The following GPHN variants were observed in gnomAD, a reference collection of about 807,000 sequenced individuals.
GPHN encodes the protein gephyrin.
A neutral mutation model predicts 95.5 loss-of-function variants in GPHN; 17 were observed. That is an observed-to-expected ratio of 0.18 (90% CI 0.12 to 0.27). The LOEUF is 0.27. GPHN is among the 10% of genes least tolerant of loss of function. GPHN has a pLI of 1.00. For missense variants in GPHN, 660 were observed against 978.1 expected (o/e 0.67, Z 4.34); for synonymous variants, 320 against 322.5 (o/e 0.99, Z 0.08).
chr14:66,673,672 T>C (rs2066425789), intron 1 of GPHN, among the ~76,000 whole-genome samples: 1 of 152,252 alleles, frequency 6.6e-6, no homozygotes, highest in African/African-American at 2.4e-5. Flanking sequence ...TTTACCTTCA[T>C]TTATTTCTTC....
At chr14:67,507,533 CG>C in the GPHN span, among the ~76,000 whole-genome samples, 3 of 151,916 alleles carry the variant, frequency 2.0e-5, no homozygotes, top group Non-Finnish European at 4.4e-5. Flanking sequence ...ATTGCAGCCT[CG>C]ACCTCCCAGG....
chr14:67,292,500 T>A, the GPHN span: 5 of 1,571,732 alleles, frequency 3.2e-6, no homozygotes, highest in Non-Finnish European at 3.5e-6. Context: ...TACCTTTTCT[T>A]CTTCTACTAG....
At chr14:67,656,435 A>C in the GPHN span, 1 of 1,612,862 alleles carries the variant, frequency 6.2e-7, no homozygotes, top group Non-Finnish European at 8.5e-7. Context: ...GGTACGTTCT[A>C]ACTGGTCTCG....
chr14:66,606,229 C>T (rs1490086776), intron 1 of GPHN, among the ~76,000 whole-genome samples: 2 of 152,170 alleles, frequency 1.3e-5, no homozygotes, highest in African/African-American at 4.8e-5. Context: ...GTTATCCCAG[C>T]ACCATTTATT....
intron 5 of GPHN, among the ~76,000 whole-genome samples, chr14:66,888,052 C>G (rs746135053): frequency 6.6e-6 from 1 of 152,046 alleles, no homozygotes. Context: ...ACCTCCAAAA[C>G]TGAAAAGCAA....
At position 67,122,276 on chromosome 14, in the gene GPHN, C is replaced by A; in HGVS notation, c.1647C>A (p.Asp549Glu). Residue 549 changes from aspartate to glutamate, a missense_variant, in exon 17 of 23, where the codon GAC becomes GAA. By Grantham distance (45) the Asp-to-Glu change is conservative (BLOSUM62 2). Around this residue, in one of 6 missense-constraint regions of GPHN, gnomAD observed 257 missense variants for 376.2 expected, o/e 0.68. Transcript: ENST00000478722. ...TGTAGCTGCTAAATCCTGAAGATGACCTCTTACCAGGGAAGATTCGAGACA... is the reference window on the plus strand; with the variant it reads ...TGTAGCTGCTAAATCCTGAAGATGAACTCTTACCAGGGAAGATTCGAGACA... ...TGNELLNPEDDLLPGKIRDSN... is the reference protein window; with the variant it reads ...TGNELLNPEDELLPGKIRDSN... 1 of 1,613,310 alleles carries A rather than the reference C, an allele frequency of 6.2e-7. No individual in the cohort carries two copies. Among genetic ancestry groups the A allele is most frequent in the Non-Finnish European group, 8.5e-7 (1 of 1,179,398 alleles).
At chr14:67,442,552 C>T in the GPHN span, among the ~76,000 whole-genome samples, 1 of 152,194 alleles carries the variant, frequency 6.6e-6, no homozygotes, top group African/African-American at 2.4e-5. Flanking sequence ...TCCCTGCCTC[C>T]ACAACCAGTT....
chr14:66,873,377 C>T (rs1258222558), intron 4 of GPHN, among the ~76,000 whole-genome samples: 2 of 152,122 alleles, frequency 1.3e-5, no homozygotes, highest in African/African-American at 4.8e-5. Flanking sequence ...AGTTTTTTTT[C>T]ATAACCCAGT....
At chr14:67,673,329 G>C in the GPHN span, among the ~76,000 whole-genome samples, 4 of 151,962 alleles carry the variant, frequency 2.6e-5, no homozygotes, top group African/African-American at 9.7e-5. Flanking sequence ...GGGTGACAGA[G>C]TGAGACCCTG....
intron 1 of GPHN, among the ~76,000 whole-genome samples, chr14:66,565,468 T>C (rs1566614216): frequency 6.6e-6 from 1 of 152,080 alleles, no homozygotes; most frequent in Non-Finnish European, 1.5e-5. Context: ...CCAGCTAATT[T>C]TATAATTTTT....
chr14:67,120,180 T>C (rs569585363), intron 16 of GPHN, among the ~76,000 whole-genome samples: 2 of 150,570 alleles, frequency 1.3e-5, no homozygotes, highest in Non-Finnish European at 3.0e-5. Context: ...ATACCAAAAA[T>C]GGGAAATTGA....
At chr14:67,489,245 C>A in the GPHN span, among the ~76,000 whole-genome samples, 1 of 152,136 alleles carries the variant, frequency 6.6e-6, no homozygotes, top group Admixed American at 6.5e-5. Flanking sequence ...AGAGATTTGG[C>A]CAAATCCAAA....
the GPHN span, among the ~76,000 whole-genome samples, chr14:67,620,502 T>C: frequency 6.6e-6 from 1 of 152,192 alleles, no homozygotes; most frequent in East Asian, 1.9e-4. Context: ...TTAAGTCTTC[T>C]GGATCCATTC....
At chr14:67,685,252 C>T in the GPHN span, 65 of 1,493,226 alleles carry the variant, frequency 4.4e-5, no homozygotes, top group Non-Finnish European at 5.7e-5. Context: ...CTTGATTTTG[C>T]AGAATAGCCC....
At chr14:66,779,457 A>G (rs2059525628) in intron 3 of GPHN, among the ~76,000 whole-genome samples, 1 of 152,180 alleles carries the variant, frequency 6.6e-6, no homozygotes, top group Admixed American at 6.5e-5. Flanking sequence ...AACTTTAAGC[A>G]ATTAATAAAT....
chr14:67,561,049 C>T, the GPHN span, among the ~76,000 whole-genome samples: 63 of 152,244 alleles, frequency 4.1e-4, no homozygotes, highest in Admixed American at 9.8e-4. Context: ...TACATCTTTT[C>T]CTCTGTCCTC....
chr14:67,725,135 A>G, the GPHN span: 1 of 1,614,048 alleles, frequency 6.2e-7, no homozygotes, highest in Admixed American at 1.7e-5. Context: ...GATGTACTGA[A>G]GGGGGAGTCT....
the GPHN span, chr14:67,619,959 A>G: frequency 3.9e-6 from 6 of 1,542,284 alleles, no homozygotes; most frequent in Non-Finnish European, 4.4e-6. Context: ...TGCCTTGGAG[A>G]TTCTCAGTGC....
At chr14:67,335,748 T>C in the GPHN span, 1 of 152,678 alleles carries the variant, frequency 6.5e-6, no homozygotes, top group African/African-American at 2.4e-5. Context: ...TGCACTGTTA[T>C]TTTGAGATGT....
Sources: gnomAD v4.1 joint callset for allele counts (sites outside exome capture counted in the v4.1 genomes callset) on GRCh38, gnomAD v4.1.1 for gene constraint, gnomAD v4.1.1 regional missense constraint, MANE v1.5 for transcripts, NCBI Gene and HGNC (gene_info 2026-07-23, HGNC 2026-07-21) for gene names.